GPI: variants seen among roughly 807,000 people sequenced by gnomAD.
GPI encodes the protein glucose-6-phosphate isomerase, also known as D-hexose-6-phosphate anomerase.
GPI carries 56 observed loss-of-function variants against 75.8 expected under a neutral mutation model. The ratio of observed to expected loss-of-function variants is 0.74; its 90% confidence interval spans 0.60 to 0.92. The LOEUF is 0.92. GPI is among the 40% of genes least tolerant of loss of function. GPI has a pLI of 0.00. For synonymous variants in GPI, 288 were observed against 285.4 expected (o/e 1.01, Z -0.09); for missense variants, 638 against 741.0 (o/e 0.86, Z 1.61).
chr19:34,377,756 G>T lies in GPI; in HGVS notation c.508G>T (p.Ala170Ser). The change falls in exon 6 of 18, where the codon GCC (alanine) becomes TCC (serine). Residue 170 changes from alanine (A) to serine (S), a missense_variant. Ala to Ser is a moderately conservative substitution (Grantham distance 99). Coordinates refer to ENST00000356487, the MANE Select transcript of GPI (RefSeq NM_000175.5). ...GCAGGGACCCCTCATGGTGACTGAAGCCCTTAAGCCATACTCTTCAGGAGG... is the reference window on the plus strand; with the variant it reads ...GCAGGGACCCCTCATGGTGACTGAATCCCTTAAGCCATACTCTTCAGGAGG... ...SDLGPLMVTEALKPYSSGGPR... is the reference protein window; with the variant it reads ...SDLGPLMVTESLKPYSSGGPR... The T allele has an allele frequency of 6.2e-7, 1 of 1,614,018 alleles. No homozygotes were observed. Among genetic ancestry groups the T allele is most frequent in the African/African-American group, 1.3e-5 (1 of 75,010 alleles).
At chr19:34,381,249 G>T in intron 8 of GPI, 1 of 620,174 alleles carries the variant, frequency 1.6e-6, no homozygotes, top group Non-Finnish European at 2.9e-6. Context: ...CGTCACTGGC[G>T]TGCTGGTCAT....
upstream of GPI, among the ~76,000 whole-genome samples, chr19:34,361,221 G>A (rs923067515): frequency 1.3e-5 from 2 of 151,266 alleles, no homozygotes; most frequent in African/African-American, 2.4e-5. Flanking sequence ...CTCTCAAGTA[G>A]CTGGGATTAC....
intron 4 of GPI, among the ~76,000 whole-genome samples, chr19:34,372,000 G>C (rs557134185): frequency 1.3e-5 from 2 of 150,180 alleles, no homozygotes; most frequent in African/African-American, 4.9e-5. Flanking sequence ...GCGAGTTCTC[G>C]GCTCACTGCA....
chr19:34,390,019 C>T (rs1421616121), intron 9 of GPI, among the ~76,000 whole-genome samples: 1 of 152,252 alleles, frequency 6.6e-6, no homozygotes, highest in Admixed American at 6.5e-5. Context: ...AGGTGATAGG[C>T]CGAGAAGATC....
chr19:34,399,061 C>G, intron 14 of GPI, 146 bp from the exon 15 acceptor site: 2 of 644,068 alleles, frequency 3.1e-6, no homozygotes, highest in Non-Finnish European at 5.3e-6. Context: ...GTGGTGTCAT[C>G]GGATGTGTCC....
At position 34,394,113 on chromosome 19, in the gene GPI, G is replaced by A. The variant is rs759183783; in HGVS notation, c.1062+47G>A. The stretch of plus-strand genomic sequence containing the variant: ...CTTGGAGTCAGCAAGATTTGTGGGG[G>A]GTCTGGGAGGTCTAGGAACCTGGGT... On this transcript the variant is annotated intron_variant, in intron 12 of 17. Transcript: ENST00000356487. 5.0e-5 allele frequency: 73 copies of A among 1,470,036 alleles called. No individual in the cohort carries two copies. The South Asian group carries it at 7.9e-4, about 16-fold the overall frequency. The allele number at this position is 1,470,036 out of a possible 1,614,324, so 91.1% of individuals were successfully genotyped here.
intron 9 of GPI, among the ~76,000 whole-genome samples, chr19:34,387,794 G>A (rs1043190441): frequency 2.0e-5 from 3 of 152,218 alleles, no homozygotes; most frequent in Non-Finnish European, 4.4e-5. Flanking sequence ...CTGGGTTCAA[G>A]CACAAAAGTA....
intron 8 of GPI, chr19:34,379,925 T>C (rs538686431): frequency 1.6e-5 from 6 of 379,150 alleles, no homozygotes; most frequent in South Asian, 1.5e-4. Context: ...CATTTTTCAC[T>C]TAAGGACATA....
intron 9 of GPI, among the ~76,000 whole-genome samples, chr19:34,383,664 G>A (rs1002458378): frequency 2.0e-5 from 3 of 152,190 alleles, no homozygotes; most frequent in African/African-American, 7.2e-5. Flanking sequence ...ATGCGGGAGA[G>A]GTAGGAATGT....
chr19:34,368,835 G>A (rs749542058), intron 4 of GPI, 133 bp downstream of exon 4: 288 of 1,012,346 alleles, frequency 2.8e-4, no homozygotes, highest in Admixed American at 4.7e-4. Context: ...TAAGGGAGGG[G>A]TTGCCTGTGT....
exon 1 of GPI, chr19:34,359,721 A>G (rs2074291461): frequency 6.5e-6 from 1 of 152,728 alleles, no homozygotes; most frequent in Admixed American, 6.5e-5. Flanking sequence ...CCACCCCACC[A>G]GTCCTCTGCC....
upstream of GPI, among the ~76,000 whole-genome samples, chr19:34,364,296 A>T (rs931513138): frequency 2.0e-5 from 3 of 152,018 alleles, no homozygotes; most frequent in Non-Finnish European, 4.4e-5. Flanking sequence ...CTGGGATTAT[A>T]GGCAGGAGTG....
intron 14 of GPI, 38 bp from the exon 15 acceptor site, chr19:34,399,169 A>G (rs2074985700): frequency 6.2e-7 from 1 of 1,600,740 alleles, no homozygotes; most frequent in Admixed American, 1.7e-5. Context: ...TGAAGCCCAG[A>G]CAGTGCTCTC....
intron 8 of GPI, chr19:34,381,187 G>A (rs2074645212): frequency 1.9e-6 from 1 of 522,542 alleles, no homozygotes; most frequent in South Asian, 2.0e-5. Flanking sequence ...GTGTGGGCCA[G>A]GTCCTCACAC....
At chr19:34,395,970 C>T (rs1196386636) in intron 12 of GPI, among the ~76,000 whole-genome samples, 4 of 125,618 alleles carry the variant, frequency 3.2e-5, no homozygotes, top group Admixed American at 1.9e-4. Context: ...TGGAGTTTTG[C>T]TCTTGTTGCC....
At chr19:34,368,412 A>G (rs576312575) in intron 3 of GPI, among the ~76,000 whole-genome samples, 171 bp from the exon 4 acceptor site, 2 of 151,544 alleles carry the variant, frequency 1.3e-5, no homozygotes, top group East Asian at 3.9e-4. Context: ...GGGAGCTCCT[A>G]CTCCTCTAAG....
intron 1 of GPI, chr19:34,365,704 A>G (rs1164433584): frequency 3.7e-6 from 2 of 542,116 alleles, no homozygotes; most frequent in African/African-American, 3.8e-5. Context: ...CTCCTTTCGC[A>G]GTTGTGAAGA....
chr19:34,381,487 A>G lies in GPI; in HGVS notation c.772A>G (p.Ile258Val). ...TNTTKVKEFGIDPQNMFEFWD... is the reference protein window; with the variant it reads ...TNTTKVKEFGVDPQNMFEFWD... ...GTAGACCAAAGTGAAGGAGTTTGGA[A>G]TTGACCCTCAAAACATGTTCGAGTT... The change falls in exon 9 of 18, where the codon ATT becomes GTT. Residue 258 changes from isoleucine (I) to valine (V), a missense_variant. Ile to Val is a conservative substitution (Grantham distance 29). Coordinates refer to ENST00000356487, the MANE Select transcript of GPI (RefSeq NM_000175.5). 6.2e-7 allele frequency: 1 copy of G among 1,609,032 alleles called. No individual in the cohort carries two copies. The highest frequency in any genetic ancestry group is 8.5e-7 in the Non-Finnish European group (1 of 1,175,534).
intron 1 of GPI, chr19:34,365,660 C>T (rs1472121912): frequency 4.8e-6 from 3 of 621,146 alleles, no homozygotes; most frequent in Non-Finnish European, 9.0e-6. Flanking sequence ...TTCCCCTCCT[C>T]CTCCCCGTGC....
Sources: gnomAD v4.1 joint callset for allele counts (sites outside exome capture counted in the v4.1 genomes callset) on GRCh38, gnomAD v4.1.1 for gene constraint, MANE v1.5 for transcripts, NCBI Gene and HGNC (gene_info 2026-07-23, HGNC 2026-07-21) for gene names.